Variants in TACC1 observed in about 807,000 individuals in gnomAD.
TACC1 encodes the protein transforming acidic coiled-coil-containing protein 1.
TACC1 carries 48 observed loss-of-function variants against 84.4 expected under a neutral mutation model. The observed-to-expected ratio is 0.57, with a 90% CI of 0.45 to 0.72. TACC1 has a LOEUF of 0.72. TACC1 is among the 30% of genes least tolerant of loss of function. The pLI is 0.00. For missense variants in TACC1, 920 were observed against 973.0 expected (o/e 0.95, Z 0.72); for synonymous variants, 372 against 376.3 (o/e 0.99, Z 0.13).
rs1588204703 is a variant in TACC1 at position 38,851,965 on chromosome 8, A to G, written c.*3942A>G. 2.2e-6 allele frequency: 1 copy of G among 456,380 alleles called. No individual in the cohort carries two copies. Among genetic ancestry groups the G allele is most frequent in the East Asian group, 6.9e-5 (1 of 14,400 alleles). 28.3% of individuals were successfully genotyped at this position (456,380 alleles called of 1,614,324 possible). A position where few individuals can be genotyped will look rare whatever the true frequency, so the allele number is the denominator to read the frequency against. On this transcript the variant is annotated 3_prime_UTR_variant, in exon 13 of 13. Transcript: ENST00000317827. ...GCCTCCAGATTCCAGTTATTTTTAA[A>G]AAGCAACTTACCACTAAATCCTTGA...
intron 3 of TACC1, 102 bp from the exon 4 acceptor site, chr8:38,825,206 C>A: frequency 8.2e-7 from 1 of 1,215,330 alleles, no homozygotes; most frequent in Non-Finnish European, 1.2e-6. Context: ...GTGCTGTATG[C>A]TTTGGCTTCT....
chr8:38,782,266 C>T (rs1263989720), upstream of TACC1, among the ~76,000 whole-genome samples: 6 of 151,510 alleles, frequency 4.0e-5, no homozygotes, highest in South Asian at 4.2e-4. Flanking sequence ...TGAGAATATG[C>T]GGTGTTTGGT....
intron 3 of TACC1, among the ~76,000 whole-genome samples, chr8:38,754,446 G>A (rs1205922633): frequency 6.6e-6 from 1 of 152,220 alleles, no homozygotes; most frequent in Non-Finnish European, 1.5e-5. Flanking sequence ...TTTCTCACCA[G>A]CAGAGGCTGA....
intron 3 of TACC1, among the ~76,000 whole-genome samples, chr8:38,820,889 T>C (rs939861095): frequency 2.0e-5 from 3 of 152,140 alleles, no homozygotes; most frequent in Non-Finnish European, 4.4e-5. Flanking sequence ...TCTTTTCCCT[T>C]GACCCTAGAG....
intron 3 of TACC1, 122 bp from the exon 4 acceptor site, chr8:38,825,186 G>A (rs1380722887): frequency 1.0e-6 from 1 of 1,002,310 alleles, no homozygotes; most frequent in African/African-American, 1.6e-5. Context: ...GGCGATGTAT[G>A]ATTTGTGTGG....
At chr8:38,830,319 G>A (rs1045416043) in intron 5 of TACC1, among the ~76,000 whole-genome samples, 2 of 152,124 alleles carry the variant, frequency 1.3e-5, no homozygotes, top group East Asian at 3.8e-4. Flanking sequence ...TTGTTGCCCA[G>A]GCTGGAGTGT....
At chr8:38,753,590 A>G (rs955398757) in intron 3 of TACC1, among the ~76,000 whole-genome samples, 1 of 152,158 alleles carries the variant, frequency 6.6e-6, no homozygotes, top group Non-Finnish European at 1.5e-5. Flanking sequence ...GTGGGGTAAG[A>G]TGTGTCTGGG....
chr8:38,764,733 G>A lies in TACC1; in HGVS notation c.26+19240G>A, dbSNP rs907468341. Among the ~76,000 whole-genome samples the A allele has an allele frequency of 3.9e-5, 6 of 151,920 alleles. No individual in the cohort carries two copies. In the East Asian group the frequency reaches 5.8e-4, roughly 15 times the overall value. On this transcript the variant is annotated intron_variant, in intron 3 of 14. Transcript: ENST00000518415. ...TGTAATCCTAGCACTTTGGGAGGCC[G>A]AGGAGGGCAGGTCACCTGAGGTCAG...
intron 1 of TACC1, among the ~76,000 whole-genome samples, chr8:38,734,393 T>A (rs1805554105): frequency 6.6e-6 from 1 of 152,160 alleles, no homozygotes. Context: ...GGTTTCACCA[T>A]GTTGGCCAGG....
Position 38,836,225 on chromosome 8 carries a change from CT to C in TACC1, c.1778del (p.Leu593ArgfsTer17). 1.2e-6 allele frequency: 2 copies of C among 1,613,248 alleles called. No homozygotes were observed. Among genetic ancestry groups the C allele is most frequent in the Non-Finnish European group, 1.7e-6 (2 of 1,179,896 alleles). On this transcript the variant is annotated frameshift_variant, in exon 7 of 13. Transcript: ENST00000317827. LOFTEE classifies it high-confidence loss of function. ...GGTGTCCTGTGGAGGTGAGAGCCCC[CT>C]GGATGGGATCTGCCTCAGCGAATCA... ...VSVSCGGESP[L>X]DGICLSESDK...
chr8:38,758,281 C>T (rs1195683285), intron 3 of TACC1, among the ~76,000 whole-genome samples: 1 of 152,142 alleles, frequency 6.6e-6, no homozygotes, highest in Non-Finnish European at 1.5e-5. Flanking sequence ...TTTGAATCAT[C>T]TTTTCAAGGC....
At chr8:38,789,849 T>C (rs1375057332) in intron 2 of TACC1, among the ~76,000 whole-genome samples, 2 of 152,186 alleles carry the variant, frequency 1.3e-5, no homozygotes, top group Non-Finnish European at 2.9e-5. Context: ...CAGTGTGGAC[T>C]GACTACTCAG....
At chr8:38,809,790 G>A (rs1369907598) in intron 2 of TACC1, among the ~76,000 whole-genome samples, 2 of 152,048 alleles carry the variant, frequency 1.3e-5, no homozygotes, top group African/African-American at 2.4e-5. Flanking sequence ...GGGGAAAAGG[G>A]CTTCTCAGCT....
At chr8:38,841,012 G>A (rs1298337016) in intron 9 of TACC1, among the ~76,000 whole-genome samples, 4 of 152,160 alleles carry the variant, frequency 2.6e-5, no homozygotes, top group Non-Finnish European at 5.9e-5. Context: ...TCGTGCCACT[G>A]CACTCCAGCC....
At position 38,747,064 on chromosome 8, in the gene TACC1, C is replaced by T. The variant is rs148809009; in HGVS notation, c.26+1571C>T. ...ATACAAAAACAATTATAACATCTCA[C>T]CAAAGAAGATACACAGATGCCAAAA... On this transcript the variant is annotated intron_variant, in intron 3 of 14. Coordinates refer to the TACC1 transcript ENST00000518415. Among the ~76,000 whole-genome samples the T allele has an allele frequency of 2.8e-3, 428 of 152,104 alleles. 1 individual carries two copies. The highest frequency in any genetic ancestry group is 1.0e-2 in the African/African-American group (414 of 41,500).
At chr8:38,773,847 A>G (rs1012797755) in intron 3 of TACC1, among the ~76,000 whole-genome samples, 1 of 152,224 alleles carries the variant, frequency 6.6e-6, no homozygotes, top group Non-Finnish European at 1.5e-5. Flanking sequence ...AAAAAGAGGG[A>G]AAAAAGGGTA....
At chr8:38,807,741 T>G (rs1015477660) in intron 2 of TACC1, among the ~76,000 whole-genome samples, 2 of 152,242 alleles carry the variant, frequency 1.3e-5, no homozygotes, top group African/African-American at 2.4e-5. Context: ...ACTTTCAAGT[T>G]TTTTCATAGA....
At chr8:38,825,462 C>CA in intron 4 of TACC1, 94 bp downstream of exon 4, 1 of 1,305,166 alleles carries the variant, frequency 7.7e-7, no homozygotes, top group Non-Finnish European at 1.1e-6. Flanking sequence ...AAGGACTTTC[C>CA]AATGGGTACC....
chr8:38,736,003 T>G (rs112284669), intron 1 of TACC1, among the ~76,000 whole-genome samples: 3,789 of 152,290 alleles, frequency 0.025, 139 homozygotes, highest in African/African-American at 0.086. Flanking sequence ...AACTGGGGTC[T>G]ACCGGCCGGT....
Sources: gnomAD v4.1 joint callset for allele counts (sites outside exome capture counted in the v4.1 genomes callset) on GRCh38, gnomAD v4.1.1 for gene constraint, MANE v1.5 for transcripts, NCBI Gene and HGNC (gene_info 2026-07-23, HGNC 2026-07-21) for gene names.